The following DGKI variants were observed in gnomAD, a reference collection of about 807,000 sequenced individuals.
The protein encoded by DGKI is DAG kinase iota.
DGKI carries 55 observed loss-of-function variants against 147.5 expected under a neutral mutation model. The observed-to-expected ratio is 0.37, with a 90% confidence interval of 0.30 to 0.47. DGKI has a LOEUF of 0.47. DGKI is among the 20% of genes least tolerant of loss of function. DGKI has a pLI of 1.00. For synonymous variants in DGKI, 469 were observed against 477.1 expected (o/e 0.98, Z 0.22); for missense variants, 1,007 against 1,323.8 (o/e 0.76, Z 3.71).
chr7:137,719,602 A>G (rs1794485257), intron 1 of DGKI, among the ~76,000 whole-genome samples: 1 of 152,074 alleles, frequency 6.6e-6, no homozygotes, highest in Admixed American at 6.5e-5. Context: ...CCCAAACTTT[A>G]TTGCTATCAG....
chr7:137,399,002 A>ATT (rs10523881), intron 30 of DGKI, among the ~76,000 whole-genome samples: 1,844 of 145,514 alleles, frequency 0.013, 41 homozygotes, highest in African/African-American at 0.044. Flanking sequence ...CCAGGGTTCC[A>ATT]TTTTTTTTTT....
chr7:137,674,022 C>T (rs1163161091), intron 3 of DGKI, among the ~76,000 whole-genome samples: 1 of 152,114 alleles, frequency 6.6e-6, no homozygotes, highest in Non-Finnish European at 1.5e-5. Context: ...GTGATTCTGG[C>T]TGGAATTTTA....
intron 1 of DGKI, among the ~76,000 whole-genome samples, chr7:137,700,728 A>C (rs111527311): frequency 0.058 from 8,851 of 151,986 alleles, 610 homozygotes; most frequent in African/African-American, 0.17. Flanking sequence ...AAATACAAAA[A>C]CTAGCCAGGC....
chr7:137,643,635 C>T (rs967428387), intron 6 of DGKI, among the ~76,000 whole-genome samples: 3 of 152,138 alleles, frequency 2.0e-5, no homozygotes, highest in Admixed American at 6.5e-5. Context: ...TGACGACGGA[C>T]GTGCAGCGAG....
At position 137,382,583 on chromosome 7, in the gene DGKI, C is replaced by CT. The variant is rs1179877524; in HGVS notation, c.*8636dup. ...TGAAGCCACTTTGAACAAATTTAAT[C>CT]TTTCTGTATGTTTCCTGAGTTTGAT... On this transcript the variant is annotated 3_prime_UTR_variant, in exon 33 of 33. Coordinates refer to ENST00000614521, the MANE Select transcript of DGKI (RefSeq NM_001321708.2). The CT allele has an allele frequency of 6.6e-6, 1 of 152,076 alleles. No individual in the cohort carries two copies. The highest frequency in any genetic ancestry group is 2.4e-5 in the African/African-American group (1 of 41,442). The allele number at this position is 152,076 out of a possible 1,614,324, so 9.4% of individuals were successfully genotyped here. A position where few individuals can be genotyped will look rare whatever the true frequency, so the allele number is the denominator to read the frequency against.
intron 4 of DGKI, among the ~76,000 whole-genome samples, chr7:137,656,184 A>G: frequency 6.6e-6 from 1 of 152,218 alleles, no homozygotes; most frequent in Middle Eastern, 3.2e-3. Flanking sequence ...AACTGAGATG[A>G]TATAATAAGA....
At chr7:137,587,667 C>T (rs1488829056) in intron 12 of DGKI, among the ~76,000 whole-genome samples, 2 of 152,106 alleles carry the variant, frequency 1.3e-5, no homozygotes, top group South Asian at 2.1e-4. Context: ...GTACCTCACA[C>T]GATTGTTTAC....
intron 1 of DGKI, among the ~76,000 whole-genome samples, chr7:137,762,900 AAAGAAT>A (rs1412278056): frequency 6.6e-6 from 1 of 152,214 alleles, no homozygotes. Context: ...ACTGAGTGAC[AAAGAAT>A]GATTCCAGTA....
At chr7:137,730,834 C>T (rs571170129) in intron 1 of DGKI, among the ~76,000 whole-genome samples, 1 of 152,032 alleles carries the variant, frequency 6.6e-6, no homozygotes, top group African/African-American at 2.4e-5. Context: ...CACTTAAACT[C>T]TCTCCATGTC....
chr7:137,537,499 A>T (rs1230344834), intron 20 of DGKI, among the ~76,000 whole-genome samples: 6 of 152,172 alleles, frequency 3.9e-5, no homozygotes, highest in Admixed American at 3.9e-4. Context: ...TTCAGAGATA[A>T]TCACCTAGAA....
chr7:137,728,030 G>GA (rs967785823), intron 1 of DGKI, among the ~76,000 whole-genome samples: 1 of 151,994 alleles, frequency 6.6e-6, no homozygotes. Context: ...GAGAAACAAA[G>GA]AAAAAAATGT....
At chr7:137,735,215 G>A (rs1264131043) in intron 1 of DGKI, among the ~76,000 whole-genome samples, 1 of 152,080 alleles carries the variant, frequency 6.6e-6, no homozygotes, top group Non-Finnish European at 1.5e-5. Flanking sequence ...TTGCATTTTA[G>A]GGCTTCTACC....
At chr7:137,474,279 CA>C (rs1471218073) in intron 23 of DGKI, among the ~76,000 whole-genome samples, 2 of 152,126 alleles carry the variant, frequency 1.3e-5, no homozygotes, top group Non-Finnish European at 2.9e-5. Flanking sequence ...CATATCTAAG[CA>C]GATGAAAATG....
At chr7:137,553,485 G>A (rs1442339393) in intron 19 of DGKI, among the ~76,000 whole-genome samples, 2 of 152,030 alleles carry the variant, frequency 1.3e-5, no homozygotes, top group African/African-American at 2.4e-5. Flanking sequence ...ACAGAATGGA[G>A]TTTCAAGACA....
intron 28 of DGKI, among the ~76,000 whole-genome samples, chr7:137,443,453 A>G (rs1292645154): frequency 1.3e-5 from 2 of 152,232 alleles, no homozygotes; most frequent in African/African-American, 4.8e-5. Context: ...ACATAGCATA[A>G]CTGATCATTG....
At chr7:137,499,072 G>A (rs1170805222) in intron 21 of DGKI, among the ~76,000 whole-genome samples, 1 of 152,178 alleles carries the variant, frequency 6.6e-6, no homozygotes, top group Non-Finnish European at 1.5e-5. Context: ...AGCTAAAAGT[G>A]AAAGCATCAC....
intron 19 of DGKI, among the ~76,000 whole-genome samples, chr7:137,568,430 C>A (rs1818667346): frequency 6.6e-6 from 1 of 152,196 alleles, no homozygotes; most frequent in Non-Finnish European, 1.5e-5. Flanking sequence ...CCATTTGCTG[C>A]CCCAGCTGCC....
At chr7:137,761,613 C>A (rs1795858546) in intron 1 of DGKI, among the ~76,000 whole-genome samples, 1 of 152,192 alleles carries the variant, frequency 6.6e-6, no homozygotes, top group South Asian at 2.1e-4. Context: ...CCTGTATTTT[C>A]CCCCTTGGGC....
chr7:137,756,581 T>C (rs1264830293), intron 1 of DGKI, among the ~76,000 whole-genome samples: 1 of 152,178 alleles, frequency 6.6e-6, no homozygotes, highest in African/African-American at 2.4e-5. Flanking sequence ...AAAGAAGCCA[T>C]TCAGTAAAGA....
Sources: gnomAD v4.1 joint callset for allele counts (sites outside exome capture counted in the v4.1 genomes callset) on GRCh38, gnomAD v4.1.1 for gene constraint, MANE v1.5 for transcripts, NCBI Gene and HGNC (gene_info 2026-07-23, HGNC 2026-07-21) for gene names.